The following RBFOX1 variants were observed in gnomAD, a reference collection of about 807,000 sequenced individuals.
The protein encoded by RBFOX1 is RNA binding fox-1 homolog 1, also known as RNA binding protein fox-1 homolog 1.
In RBFOX1, 8 loss-of-function variants were observed where a neutral mutation model predicts 57.7. That is an observed-to-expected ratio of 0.14 (90% confidence interval 0.08 to 0.25). RBFOX1 has a LOEUF of 0.25. RBFOX1 is among the 10% of genes least tolerant of loss of function. The pLI, the probability that RBFOX1 is intolerant of heterozygous loss-of-function variation, is 1.00. For missense variants in RBFOX1, 611 were observed against 548.5 expected (o/e 1.11, Z -1.14); for synonymous variants, 326 against 222.4 (o/e 1.47, Z -4.15).
At chr16:7,638,430 G>A (rs1401702184) in intron 11 of RBFOX1, among the ~76,000 whole-genome samples, 5 of 151,804 alleles carry the variant, frequency 3.3e-5, no homozygotes, top group Non-Finnish European at 7.4e-5. Flanking sequence ...ACTTACCCCA[G>A]AGGCTGGAAA....
At chr16:6,780,586 A>G (rs540504832) in intron 3 of RBFOX1, among the ~76,000 whole-genome samples, 1 of 138,738 alleles carries the variant, frequency 7.2e-6, no homozygotes. Context: ...ATATATATTT[A>G]TATATATATT....
chr16:7,439,007 C>T (rs1225955485), intron 4 of RBFOX1, among the ~76,000 whole-genome samples: 1 of 152,186 alleles, frequency 6.6e-6, no homozygotes, highest in Non-Finnish European at 1.5e-5. Flanking sequence ...GCAGGTCGCG[C>T]TGTGGTGGAG....
intron 4 of RBFOX1, among the ~76,000 whole-genome samples, chr16:7,503,431 C>T (rs1025053529): frequency 3.3e-5 from 5 of 152,136 alleles, no homozygotes; most frequent in African/African-American, 4.8e-5. Flanking sequence ...AGTCACACAG[C>T]GATATTATCT....
intron 3 of RBFOX1, among the ~76,000 whole-genome samples, chr16:7,045,564 C>T (rs1405356837): frequency 6.6e-6 from 1 of 152,148 alleles, no homozygotes; most frequent in Non-Finnish European, 1.5e-5. Flanking sequence ...CCCCTGGTTC[C>T]TTCAGTGTCG....
intron 3 of RBFOX1, among the ~76,000 whole-genome samples, chr16:6,914,611 C>T (rs562407146): frequency 1.6e-4 from 24 of 152,056 alleles, no homozygotes; most frequent in African/African-American, 4.6e-4. Flanking sequence ...CAGTGGCTCA[C>T]GCCTCTAATC....
At chr16:7,472,854 A>G (rs1048351424) in intron 4 of RBFOX1, among the ~76,000 whole-genome samples, 8 of 152,236 alleles carry the variant, frequency 5.3e-5, no homozygotes, top group African/African-American at 1.4e-4. Context: ...GGATGAATTC[A>G]TGGAAATGTG....
At chr16:5,986,971 C>T (rs142469736) in intron 4 of RBFOX1, among the ~76,000 whole-genome samples, 5 of 152,266 alleles carry the variant, frequency 3.3e-5, no homozygotes, top group Admixed American at 2.0e-4. Context: ...AGTGGCTAAG[C>T]GGTTTTACAT....
chr16:6,155,123 A>G (rs752573745), intron 1 of RBFOX1, among the ~76,000 whole-genome samples: 3 of 152,196 alleles, frequency 2.0e-5, no homozygotes, highest in Non-Finnish European at 2.9e-5. Context: ...TACATTTTCT[A>G]GGTAGAATAA....
intron 2 of RBFOX1, among the ~76,000 whole-genome samples, chr16:6,439,253 T>A (rs754438318): frequency 4.6e-5 from 7 of 152,170 alleles, no homozygotes; most frequent in Non-Finnish European, 7.3e-5. Context: ...CGGCCTCTGA[T>A]GAAAGATGCA....
intron 1 of RBFOX1, among the ~76,000 whole-genome samples, chr16:6,059,572 G>A (rs558383135): frequency 6.6e-5 from 10 of 151,886 alleles, no homozygotes; most frequent in African/African-American, 2.2e-4. Flanking sequence ...GTTCATTTTC[G>A]TCTATAGGGA....
At chr16:5,729,317 C>G (rs1175147390) in intron 3 of RBFOX1, among the ~76,000 whole-genome samples, 5 of 150,980 alleles carry the variant, frequency 3.3e-5, no homozygotes, top group African/African-American at 1.2e-4. Flanking sequence ...AGAAGTTTCT[C>G]TTGAAGGCTG....
rs528132056 is a variant in RBFOX1 at position 5,663,387 on chromosome 16, T to C, written c.318+64426T>C. ...GCCCAGCTAATTTTTTTTTTTTTTT[T>C]AGAAATGGGGTCTCACTATGTTGGC... On this transcript the variant is annotated intron_variant, in intron 3 of 19. Coordinates refer to the RBFOX1 transcript ENST00000641259. Among the ~76,000 whole-genome samples, 11 of 151,776 alleles carry C rather than the reference T, an allele frequency of 7.2e-5. No individual in the cohort carries two copies. The East Asian group carries it at 1.9e-3, about 27-fold the overall frequency.
At chr16:5,248,833 A>G (rs985761307) in intron 1 of RBFOX1, among the ~76,000 whole-genome samples, 1 of 152,084 alleles carries the variant, frequency 6.6e-6, no homozygotes, top group African/African-American at 2.4e-5. Context: ...TAATAAAAAT[A>G]CAATAATTAG....
chr16:5,703,519 T>C (rs1047721625), intron 3 of RBFOX1, among the ~76,000 whole-genome samples: 3 of 152,284 alleles, frequency 2.0e-5, no homozygotes, highest in Middle Eastern at 3.4e-3. Flanking sequence ...CTTCCAAGGA[T>C]TTTGGTCTCA....
intron 3 of RBFOX1, among the ~76,000 whole-genome samples, chr16:6,842,782 G>A (rs918332714): frequency 6.6e-6 from 1 of 151,734 alleles, no homozygotes; most frequent in South Asian, 2.1e-4. Flanking sequence ...TTTAAGCCCG[G>A]CATGCATTAG....
At chr16:5,663,915 G>C (rs974310021) in intron 3 of RBFOX1, among the ~76,000 whole-genome samples, 11 of 152,162 alleles carry the variant, frequency 7.2e-5, no homozygotes, top group Non-Finnish European at 1.3e-4. Context: ...TCCAGTTGAA[G>C]CAAATGGGGC....
At chr16:5,455,728 C>A (rs1023450246) in intron 1 of RBFOX1, among the ~76,000 whole-genome samples, 1 of 152,154 alleles carries the variant, frequency 6.6e-6, no homozygotes, top group African/African-American at 2.4e-5. Context: ...ATTCTCTTTG[C>A]CCATTCTCCT....
chr16:7,237,645 C>T (rs1346439277), intron 4 of RBFOX1, among the ~76,000 whole-genome samples: 2 of 152,190 alleles, frequency 1.3e-5, no homozygotes, highest in African/African-American at 4.8e-5. Flanking sequence ...AGCCAAGCGT[C>T]CATGCACAGA....
In RBFOX1 at chr16:7,005,481, A is replaced by G. The variant is rs191118924; in HGVS notation, c.-15-46576A>G. Among the ~76,000 whole-genome samples, 340 of 152,324 alleles carry G rather than the reference A, an allele frequency of 2.2e-3. 3 individuals carry two copies. Among genetic ancestry groups the G allele is most frequent in the African/African-American group, 7.1e-3 (295 of 41,580 alleles). On this transcript the variant is annotated intron_variant, in intron 3 of 15. Transcript: ENST00000550418. ...AAGATAATTGACAGGAATGGGGAGA[A>G]GGAACCCAGTAATGGCAGGTGAACG...
Sources: gnomAD v4.1 joint callset for allele counts (sites outside exome capture counted in the v4.1 genomes callset) on GRCh38, gnomAD v4.1.1 for gene constraint, MANE v1.5 for transcripts, NCBI Gene and HGNC (gene_info 2026-07-23, HGNC 2026-07-21) for gene names.